Variants in CFAP20DC observed in about 807,000 individuals in gnomAD.
CFAP20DC encodes protein CFAP20DC.
In CFAP20DC, 84 loss-of-function variants were observed where a neutral mutation model predicts 101.7. That is an observed-to-expected ratio of 0.83 (90% CI 0.69 to 0.99). CFAP20DC has a LOEUF of 0.99. Among genes scored for constraint, CFAP20DC ranks in the 50% least tolerant of loss-of-function variants. The pLI, the probability that CFAP20DC is intolerant of heterozygous loss-of-function variation, is 0.00. For synonymous variants in CFAP20DC, 359 were observed against 351.2 expected (o/e 1.02, Z -0.25); for missense variants, 1,007 against 970.3 (o/e 1.04, Z -0.50).
chr3:58,815,023 G>T (rs1443677273), intron 14 of CFAP20DC, among the ~76,000 whole-genome samples: 1 of 151,268 alleles, frequency 6.6e-6, no homozygotes, highest in East Asian at 1.9e-4. Flanking sequence ...AGTTCATATG[G>T]AACCAAAAAA....
intron 12 of CFAP20DC, among the ~76,000 whole-genome samples, chr3:58,849,733 A>AAGTCATCTAAAAC (rs1281720988): frequency 6.6e-6 from 1 of 152,200 alleles, no homozygotes; most frequent in Non-Finnish European, 1.5e-5. Context: ...GATCCAGAGC[A>AAGTCATCTAAAAC]AGTCATCTAA....
intron 14 of CFAP20DC, among the ~76,000 whole-genome samples, chr3:58,813,876 T>G (rs12637980): frequency 6.6e-6 from 1 of 151,788 alleles, no homozygotes; most frequent in East Asian, 1.9e-4. Context: ...AAACATGTCA[T>G]AAGACATATT....
chr3:58,975,845 T>A (rs2092247902), intron 4 of CFAP20DC, among the ~76,000 whole-genome samples: 1 of 152,116 alleles, frequency 6.6e-6, no homozygotes, highest in East Asian at 1.9e-4. Flanking sequence ...AGGGAGTAGC[T>A]CTGAGTATAT....
chr3:58,841,631 T>A (rs1164731643), intron 13 of CFAP20DC, among the ~76,000 whole-genome samples: 1 of 152,246 alleles, frequency 6.6e-6, no homozygotes, highest in Non-Finnish European at 1.5e-5. Flanking sequence ...GCCTAAAATA[T>A]ATTCAAAAGT....
At chr3:58,843,906 C>A (rs1361842347) in intron 13 of CFAP20DC, among the ~76,000 whole-genome samples, 2 of 90,204 alleles carry the variant, frequency 2.2e-5, no homozygotes, top group Non-Finnish European at 4.4e-5. Flanking sequence ...TCATATCCAG[C>A]CAAACTAAGC....
intron 6 of CFAP20DC, among the ~76,000 whole-genome samples, chr3:58,890,561 G>GA (rs2082116143): frequency 6.7e-6 from 1 of 149,238 alleles, no homozygotes; most frequent in African/African-American, 2.5e-5. Flanking sequence ...AGCCGGGTGG[G>GA]GGGCTGACCC....
At chr3:58,734,967 C>A (rs2067718533) in intron 3 of CFAP20DC, among the ~76,000 whole-genome samples, 1 of 152,126 alleles carries the variant, frequency 6.6e-6, no homozygotes, top group South Asian at 2.1e-4. Context: ...CACCTTTGCT[C>A]AGATTGAAAT....
intron 14 of CFAP20DC, among the ~76,000 whole-genome samples, chr3:58,822,802 A>G (rs908508870): frequency 6.6e-6 from 1 of 152,246 alleles, no homozygotes; most frequent in Non-Finnish European, 1.5e-5. Flanking sequence ...TTACAGTAGC[A>G]GGAAGGTCAC....
chr3:58,979,126 CA>C (rs1323131126), intron 4 of CFAP20DC, among the ~76,000 whole-genome samples: 2 of 152,138 alleles, frequency 1.3e-5, no homozygotes, highest in African/African-American at 4.8e-5. Context: ...TATGTTCTGT[CA>C]AGCAAAGAGA....
In CFAP20DC at chr3:58,861,680, T is replaced by G. The variant is rs2079261017; in HGVS notation, c.1593+1878A>C. 4 of 985,402 alleles carry G rather than the reference T, an allele frequency of 4.1e-6. No individual in the cohort carries two copies. Among genetic ancestry groups the G allele is most frequent in the Non-Finnish European group, 4.8e-6 (4 of 829,922 alleles). 61.0% of individuals were successfully genotyped at this position (985,402 alleles called of 1,614,324 possible). On this transcript the variant is annotated intron_variant, in intron 12 of 16. Transcript: ENST00000482387. The surrounding 1 kb of genome is among the most constrained non-coding windows in gnomAD (Gnocchi z 4.0). The stretch of plus-strand genomic sequence containing the variant: ...CTCTGTACCAGCAAACCCCAAAGCT[T>G]GATAATGTGGCAGGTGTTTCCCCTC...
intron 5 of CFAP20DC, among the ~76,000 whole-genome samples, chr3:58,930,076 G>C (rs1167047965): frequency 6.6e-6 from 1 of 152,114 alleles, no homozygotes; most frequent in African/African-American, 2.4e-5. Flanking sequence ...CTTCTTCAGA[G>C]GGCCTTCTCT....
At chr3:58,843,278 G>A (rs2077316558) in intron 13 of CFAP20DC, among the ~76,000 whole-genome samples, 1 of 151,938 alleles carries the variant, frequency 6.6e-6, no homozygotes, top group African/African-American at 2.4e-5. Context: ...AAATTTAGAA[G>A]AATGTATAAC....
At chr3:58,810,335 T>G (rs1263467579) in intron 14 of CFAP20DC, among the ~76,000 whole-genome samples, 1 of 152,018 alleles carries the variant, frequency 6.6e-6, no homozygotes, top group Non-Finnish European at 1.5e-5. Context: ...TCCAGCAGCA[T>G]ATCAAAAAGC....
intron 14 of CFAP20DC, among the ~76,000 whole-genome samples, chr3:58,827,713 G>A (rs2076137503): frequency 6.6e-6 from 1 of 152,104 alleles, no homozygotes; most frequent in Non-Finnish European, 1.5e-5. Context: ...CCCATAACTC[G>A]TTATTCTATC....
At chr3:58,781,772 T>C (rs2071851874) in intron 15 of CFAP20DC, among the ~76,000 whole-genome samples, 1 of 152,060 alleles carries the variant, frequency 6.6e-6, no homozygotes, top group South Asian at 2.1e-4. Flanking sequence ...TAACAAGTTA[T>C]GAGACTGAAT....
chr3:58,892,896 C>A lies in CFAP20DC; in HGVS notation c.551-8187G>T, dbSNP rs2082366729. ...CATAGGAGTGGTGAGAGAGGGCATT[C>A]TTGTCTTGTGCTGGTTTCCAAGGGG... On this transcript the variant is annotated intron_variant, in intron 6 of 16. Coordinates refer to ENST00000482387, the MANE Select transcript of CFAP20DC (RefSeq NM_001394063.1). The surrounding 1 kb of genome is among the most constrained non-coding windows in gnomAD (Gnocchi z 4.0). Among the ~76,000 whole-genome samples, 1 of 152,132 alleles carries A rather than the reference C, an allele frequency of 6.6e-6. No homozygotes were observed. The highest frequency in any genetic ancestry group is 2.4e-5 in the African/African-American group (1 of 41,430).
At chr3:59,042,442 T>G (rs181030825) in intron 3 of CFAP20DC, among the ~76,000 whole-genome samples, 1,782 of 151,970 alleles carry the variant, frequency 0.012, 35 homozygotes, top group African/African-American at 0.041. Context: ...TTCTCGGGGG[T>G]AAATGCTGTA....
chr3:58,757,563 T>C (rs1217852377), intron 15 of CFAP20DC, among the ~76,000 whole-genome samples: 2 of 151,928 alleles, frequency 1.3e-5, no homozygotes, highest in Non-Finnish European at 2.9e-5. Flanking sequence ...TTAAAAAAAA[T>C]TGTCTCTGTA....
chr3:58,918,288 TC>T (rs1405134210), intron 5 of CFAP20DC, among the ~76,000 whole-genome samples: 1 of 152,154 alleles, frequency 6.6e-6, no homozygotes, highest in African/African-American at 2.4e-5. Context: ...AATTCTATCA[TC>T]TTTGAAGTTC....
Sources: allele counts gnomAD v4.1 joint callset (sites outside exome capture counted in the v4.1 genomes callset), GRCh38; gene constraint gnomAD v4.1.1; non-coding constraint Gnocchi (gnomAD v3.1); transcripts MANE v1.5; gene names NCBI Gene and HGNC (gene_info 2026-07-23, HGNC 2026-07-21).